The following SRD5A1 variants were observed in gnomAD, a reference collection of about 807,000 sequenced individuals.
SRD5A1 encodes the protein 3-oxo-5-alpha-steroid 4-dehydrogenase 1.
In SRD5A1, 22 loss-of-function variants were observed where a neutral mutation model predicts 28.2. That is an observed-to-expected ratio of 0.78 (90% CI 0.56 to 1.12). SRD5A1 has a LOEUF of 1.12. SRD5A1 is among the 50% of genes most tolerant of loss of function. SRD5A1 has a pLI of 0.00. For synonymous variants in SRD5A1, 151 were observed against 135.0 expected, an observed-to-expected ratio of 1.12 and a Z score of -0.82; for missense variants, 300 against 346.7, an observed-to-expected ratio of 0.87 and a Z score of 1.07.
intron 2 of SRD5A1, among the ~76,000 whole-genome samples, chr5:6,654,551 A>G (rs752427586): frequency 2.0e-5 from 3 of 152,126 alleles, no homozygotes; most frequent in Non-Finnish European, 4.4e-5. Context: ...CTTGTGCCTC[A>G]ACCTCAGAGT....
chr5:6,645,025 G>A (rs753408374), intron 1 of SRD5A1: 9 of 455,716 alleles, frequency 2.0e-5, no homozygotes, highest in Non-Finnish European at 3.5e-5. Context: ...TGGCCAACAC[G>A]TGCTTTGCTG....
At chr5:6,649,671 C>T (rs1250159988) in intron 1 of SRD5A1, among the ~76,000 whole-genome samples, 2 of 152,192 alleles carry the variant, frequency 1.3e-5, no homozygotes, top group African/African-American at 4.8e-5. Flanking sequence ...TCATGGCTTC[C>T]CTTGGCTAGG....
chr5:6,645,086 C>A (rs551701912), intron 1 of SRD5A1: 93 of 432,746 alleles, frequency 2.1e-4, no homozygotes, highest in South Asian at 2.0e-4. Flanking sequence ...GAGATGAGAA[C>A]CTTGGAGGCT....
chr5:6,652,033 C>G, intron 2 of SRD5A1, 25 bp downstream of exon 2: 1 of 1,597,636 alleles, frequency 6.3e-7, no homozygotes, highest in Non-Finnish European at 8.6e-7. Context: ...CAGTGAACTC[C>G]GCCTTGTTCA....
intron 3 of SRD5A1, among the ~76,000 whole-genome samples, chr5:6,662,015 C>G (rs1202786338): frequency 6.6e-6 from 1 of 152,190 alleles, no homozygotes; most frequent in Non-Finnish European, 1.5e-5. Context: ...TCTGCCCTCC[C>G]TCTCTGCTGG....
Position 6,668,403 on chromosome 5 carries a change from T to C in SRD5A1, c.*135T>C, listed in dbSNP as rs1739255632. 5.4e-6 allele frequency: 3 copies of C among 559,492 alleles called. No individual in the cohort carries two copies. The highest frequency in any genetic ancestry group is 9.0e-6 in the Non-Finnish European group (3 of 331,656). The allele number at this position is 559,492 out of a possible 1,614,324, so 34.7% of individuals were successfully genotyped here. A position where few individuals can be genotyped will look rare whatever the true frequency, so the allele number is the denominator to read the frequency against. On this transcript the variant is annotated 3_prime_UTR_variant, in exon 5 of 5. Coordinates refer to ENST00000274192, the MANE Select transcript of SRD5A1 (RefSeq NM_001047.4). ...CAAGATGTCCTCTAGGAATTTTTTTTCTAGTAATTTTGCAATCTACCTAAT... is the reference window on the plus strand; with the variant it reads ...CAAGATGTCCTCTAGGAATTTTTTTCCTAGTAATTTTGCAATCTACCTAAT...
intron 4 of SRD5A1, among the ~76,000 whole-genome samples, chr5:6,664,144 C>T (rs1739092402): frequency 6.6e-6 from 1 of 152,202 alleles, no homozygotes; most frequent in South Asian, 2.1e-4. Context: ...CCACCCACTT[C>T]ATCCACTCAA....
intron 1 of SRD5A1, among the ~76,000 whole-genome samples, chr5:6,646,616 G>A (rs1189718324): frequency 6.6e-6 from 1 of 152,134 alleles, no homozygotes; most frequent in African/African-American, 2.4e-5. Flanking sequence ...GGGACCGGTG[G>A]TGATATCCTC....
chr5:6,650,411 G>GAAA (rs563990147), intron 1 of SRD5A1, among the ~76,000 whole-genome samples: 1 of 112,550 alleles, frequency 8.9e-6, no homozygotes. Flanking sequence ...ACCCTGTCTT[G>GAAA]AAAAAAAAAA....
At chr5:6,644,624 TTC>T (rs1409575382) in intron 1 of SRD5A1, among the ~76,000 whole-genome samples, 2 of 152,172 alleles carry the variant, frequency 1.3e-5, no homozygotes, top group Non-Finnish European at 2.9e-5. Context: ...CCACTCTGTC[TTC>T]TGCCATTAAT....
chr5:6,671,581 G>A lies in SRD5A1; in HGVS notation c.*3313G>A, dbSNP rs1279589370. On this transcript the variant is annotated 3_prime_UTR_variant, in exon 5 of 5. Coordinates refer to ENST00000274192, the MANE Select transcript of SRD5A1 (RefSeq NM_001047.4). ...ATTCTAAGTTAAGTAACTCAGGAAT[G>A]GAAAACCAAACAACCTATGTTCTCA... is the stretch of plus-strand genomic sequence containing the variant. 1 of 151,814 alleles carries A rather than the reference G, an allele frequency of 6.6e-6. No individual in the cohort carries two copies. Among genetic ancestry groups the A allele is most frequent in the Non-Finnish European group, 1.5e-5 (1 of 68,000 alleles). The allele number at this position is 151,814 out of a possible 1,614,324, so 9.4% of individuals were successfully genotyped here. A position where few individuals can be genotyped will look rare whatever the true frequency, so the allele number is the denominator to read the frequency against.
At chr5:6,662,278 C>T (rs1375077210) in intron 3 of SRD5A1, among the ~76,000 whole-genome samples, 2 of 152,222 alleles carry the variant, frequency 1.3e-5, no homozygotes, top group Non-Finnish European at 2.9e-5. Context: ...CCCTGCCCCT[C>T]GCTACTCCTC....
At position 6,668,305 on chromosome 5, in the gene SRD5A1, T is replaced by C; in HGVS notation, c.*37T>C. The C allele has an allele frequency of 8.1e-7, 1 of 1,232,806 alleles. No individual in the cohort carries two copies. The allele number at this position is 1,232,806 out of a possible 1,614,324, so 76.4% of individuals were successfully genotyped here. A position where few individuals can be genotyped will look rare whatever the true frequency, so the allele number is the denominator to read the frequency against. Reference sequence around the variant, plus strand: ...ATGAAATTATCTTCAACTTGAAGCTTTCCAATGGCGCTTCTCTATGGACTT... The same window carrying C: ...ATGAAATTATCTTCAACTTGAAGCTCTCCAATGGCGCTTCTCTATGGACTT... On this transcript the variant is annotated 3_prime_UTR_variant, in exon 5 of 5. Coordinates refer to ENST00000274192, the MANE Select transcript of SRD5A1 (RefSeq NM_001047.4).
intron 1 of SRD5A1, among the ~76,000 whole-genome samples, chr5:6,638,311 C>T (rs1468340473): frequency 6.6e-6 from 1 of 152,254 alleles, no homozygotes; most frequent in African/African-American, 2.4e-5. Flanking sequence ...TAAACTCCAT[C>T]TTAAAAAGAA....
intron 1 of SRD5A1, among the ~76,000 whole-genome samples, chr5:6,648,941 A>AT (rs1215267635): frequency 6.6e-6 from 1 of 150,762 alleles, no homozygotes; most frequent in Non-Finnish European, 1.5e-5. Flanking sequence ...TATCGATACT[A>AT]TTTTTTTTCG....
intron 1 of SRD5A1, among the ~76,000 whole-genome samples, chr5:6,650,730 G>A (rs1738644960): frequency 6.7e-6 from 1 of 150,042 alleles, no homozygotes; most frequent in African/African-American, 2.5e-5. Flanking sequence ...CCATGCTGGT[G>A]TGCTGCACCC....
chr5:6,639,602 C>T (rs1344681780), intron 1 of SRD5A1, among the ~76,000 whole-genome samples: 4 of 152,172 alleles, frequency 2.6e-5, no homozygotes, highest in African/African-American at 9.7e-5. Flanking sequence ...GCTTATAGGG[C>T]ACTTTCTTTT....
intron 1 of SRD5A1, among the ~76,000 whole-genome samples, chr5:6,647,037 A>G (rs1738528937): frequency 6.6e-6 from 1 of 152,200 alleles, no homozygotes; most frequent in African/African-American, 2.4e-5. Context: ...TTATTTATCC[A>G]GTAGTCATTC....
At position 6,662,907 on chromosome 5, in the gene SRD5A1, C is replaced by T. The variant is rs373623448; in HGVS notation, c.654C>T (p.Gly218=). The change falls in exon 4 of 5, where the codon GGC becomes GGT. Residue 218 remains glycine (G), a synonymous_variant. Transcript: ENST00000274192. ...CCCTGGCCAGCTGGTCTGTCCAAGG[C>T]GCGGCTTTTGCTTTCTTCACGTTTT... The part of the protein sequence containing the change: ...GYALASWSVQ[G]AAFAFFTFCF... The T allele has an allele frequency of 7.5e-5, 121 of 1,613,898 alleles. No homozygotes were observed. The highest frequency in any genetic ancestry group is 3.4e-4 in the Middle Eastern group (2 of 5,846).
Sources: allele counts gnomAD v4.1 joint callset (sites outside exome capture counted in the v4.1 genomes callset), GRCh38; gene constraint gnomAD v4.1.1; transcripts MANE v1.5; gene names NCBI Gene and HGNC (gene_info 2026-07-23, HGNC 2026-07-21).